CEMIP: variants seen among roughly 807,000 people sequenced by gnomAD.
CEMIP encodes cell migration-inducing and hyaluronan-binding protein.
CEMIP carries 105 observed loss-of-function variants against 156.9 expected under a neutral mutation model. The observed-to-expected ratio is 0.67, with a 90% confidence interval of 0.57 to 0.79. CEMIP has a LOEUF of 0.79. Ranked by LOEUF, CEMIP falls within the 30% of genes least tolerant of loss-of-function variation. The pLI, the probability that CEMIP is intolerant of heterozygous loss-of-function variation, is 0.00. For synonymous variants in CEMIP, 676 were observed against 668.4 expected, an observed-to-expected ratio of 1.01 and a Z score of -0.17; for missense variants, 1,457 against 1,769.4, an observed-to-expected ratio of 0.82 and a Z score of 3.17.
chr15:80,804,049 G>A (rs1037503438), intron 1 of CEMIP, among the ~76,000 whole-genome samples: 1 of 152,220 alleles, frequency 6.6e-6, no homozygotes, highest in Non-Finnish European at 1.5e-5. Context: ...GAGAGCTTGT[G>A]CAGGGGAACT....
chr15:80,911,468 G>A (rs578193454), intron 14 of CEMIP, among the ~76,000 whole-genome samples: 1 of 152,294 alleles, frequency 6.6e-6, no homozygotes, highest in African/African-American at 2.4e-5. Flanking sequence ...CTGGAAGCCT[G>A]TAATTACAGA....
intron 1 of CEMIP, among the ~76,000 whole-genome samples, chr15:80,830,323 C>G (rs1358778748): frequency 6.6e-6 from 1 of 152,216 alleles, no homozygotes; most frequent in East Asian, 1.9e-4. Context: ...AAAGCAGCAG[C>G]CCCTGACTGT....
rs536759413 is a variant in CEMIP, at chr15:80,855,477, G to A, written c.-175-18061G>A. On this transcript the variant is annotated intron_variant, in intron 1 of 29. Coordinates refer to ENST00000394685, the MANE Select transcript of CEMIP (RefSeq NM_001293298.2). ...CACAGCTCGTTCTCACTGCATTTTGGTAGCAAAGTTGTGCCTTCTTTTTTT... is the reference window on the plus strand; with the variant it reads ...CACAGCTCGTTCTCACTGCATTTTGATAGCAAAGTTGTGCCTTCTTTTTTT... Among the ~76,000 whole-genome samples the A allele has an allele frequency of 3.9e-5, 6 of 152,166 alleles. No homozygotes were observed. In the South Asian group the frequency reaches 1.3e-3, roughly 32 times the overall value.
At chr15:80,788,471 C>CAA (rs11320710) in intron 1 of CEMIP, among the ~76,000 whole-genome samples, 10,498 of 79,132 alleles carry the variant, frequency 0.13, 549 homozygotes, top group Middle Eastern at 0.24. Flanking sequence ...AACTCCATCT[C>CAA]AAAAAAAAAA....
intron 1 of CEMIP, among the ~76,000 whole-genome samples, chr15:80,785,746 G>A (rs193283163): frequency 6.6e-6 from 1 of 152,306 alleles, no homozygotes; most frequent in East Asian, 1.9e-4. Context: ...CAGAAGCTCA[G>A]AAAGGCCTAA....
chr15:80,873,841 G>T, intron 2 of CEMIP, 23 bp from the exon 3 acceptor site: 1 of 1,530,206 alleles, frequency 6.5e-7, no homozygotes, highest in South Asian at 1.2e-5. Context: ...CTGCATGTCT[G>T]ACTCTGTGTG....
chr15:80,915,204 C>T (rs1262130840), intron 14 of CEMIP, among the ~76,000 whole-genome samples: 1 of 152,230 alleles, frequency 6.6e-6, no homozygotes, highest in Middle Eastern at 3.2e-3. Context: ...AATTTCTAAT[C>T]TTGTGGCTAA....
chr15:80,805,839 G>T (rs1188364834), intron 1 of CEMIP, among the ~76,000 whole-genome samples: 1 of 152,056 alleles, frequency 6.6e-6, no homozygotes, highest in Non-Finnish European at 1.5e-5. Flanking sequence ...CACTTGTTTT[G>T]GTCTCAGCTT....
At chr15:80,925,817 C>T (rs1197995245) in intron 19 of CEMIP, 62 bp downstream of exon 19, 5 of 1,576,574 alleles carry the variant, frequency 3.2e-6, no homozygotes, top group South Asian at 1.2e-5. Flanking sequence ...CCCCTAGCCC[C>T]CTACAGAGAC....
In CEMIP at chr15:80,906,642, C is replaced by T. The variant is rs746018803; in HGVS notation, c.1412-21C>T. 1.4e-5 allele frequency: 23 copies of T among 1,603,688 alleles called. No homozygotes were observed. The South Asian group carries it at 2.5e-4, about 17-fold the overall frequency. ...GCATGCAGTACCTGCTGTTGTTTAC[C>T]GTCCTCCCTTTCTGCCCTAGGGAAA... On this transcript the variant is annotated intron_variant, in intron 12 of 29. Coordinates refer to ENST00000394685, the MANE Select transcript of CEMIP (RefSeq NM_001293298.2). The surrounding 1 kb of genome is among the most constrained non-coding windows in gnomAD (Gnocchi z 4.3).
At chr15:80,922,760 A>C (rs545882935) in intron 17 of CEMIP, among the ~76,000 whole-genome samples, 1 of 152,324 alleles carries the variant, frequency 6.6e-6, no homozygotes, top group African/African-American at 2.4e-5. Context: ...GGGCATACCA[A>C]GATGACCGGG....
rs151037762 is a variant in CEMIP, at chr15:80,919,180, G to A, written c.1798-914G>A. Reference sequence around the variant, plus strand: ...GCGTTGCAAATGTGGCTTGATGCACGTCTTGGGCTGACAAGCTGGCTTGGA... The same window carrying A: ...GCGTTGCAAATGTGGCTTGATGCACATCTTGGGCTGACAAGCTGGCTTGGA... On this transcript the variant is annotated intron_variant, in intron 14 of 29. Coordinates refer to ENST00000394685, the MANE Select transcript of CEMIP (RefSeq NM_001293298.2). Among the ~76,000 whole-genome samples the A allele has an allele frequency of 3.8e-3, 578 of 152,324 alleles. 3 individuals carry two copies. The highest frequency in any genetic ancestry group is 5.6e-3 in the Admixed American group (85 of 15,312).
chr15:80,801,660 G>A (rs55968887), intron 1 of CEMIP, among the ~76,000 whole-genome samples: 51,775 of 152,064 alleles, frequency 0.34, 10,289 homozygotes, highest in Non-Finnish European at 0.46. Context: ...GAGGAGAGAA[G>A]GATGAGTGGA....
rs1026054844 is a variant in CEMIP, at chr15:80,906,116, A to G, written c.1412-547A>G. Among the ~76,000 whole-genome samples, 2 of 152,266 alleles carry G rather than the reference A, an allele frequency of 1.3e-5. No homozygotes were observed. The highest frequency in any genetic ancestry group is 4.8e-5 in the African/African-American group (2 of 41,472). ...TGTAAAGCAGGGGCTTTAAAGACAG[A>G]GGGGTTCTGTTTTATCTTCCTAAGA... On this transcript the variant is annotated intron_variant, in intron 12 of 29. Transcript: ENST00000394685. The surrounding 1 kb of genome is among the most constrained non-coding windows in gnomAD (Gnocchi z 4.3).
chr15:80,792,243 T>C (rs7179631), intron 1 of CEMIP, among the ~76,000 whole-genome samples: 97,340 of 152,060 alleles, frequency 0.64, 32,052 homozygotes, highest in East Asian at 0.78. Flanking sequence ...AGAGAAATAA[T>C]GAAGTATTCC....
At chr15:80,921,920 C>T in intron 16 of CEMIP, 89 bp from the exon 17 acceptor site, 2 of 1,562,732 alleles carry the variant, frequency 1.3e-6, no homozygotes, top group South Asian at 2.2e-5. Flanking sequence ...CTACTAGACC[C>T]ATCTCCGGCG....
At chr15:80,793,437 T>C (rs987282045) in intron 1 of CEMIP, among the ~76,000 whole-genome samples, 1 of 152,190 alleles carries the variant, frequency 6.6e-6, no homozygotes, top group Non-Finnish European at 1.5e-5. Context: ...AGGGGAGTGG[T>C]TACCATTGAA....
At position 80,896,077 on chromosome 15, in the gene CEMIP, T is replaced by A. The variant is rs1323269494; in HGVS notation, c.1411+17T>A. 1.9e-6 allele frequency: 3 copies of A among 1,611,666 alleles called. No individual in the cohort carries two copies. In the African/African-American group the frequency reaches 4.0e-5, roughly 22 times the overall value. On this transcript the variant is annotated intron_variant, in intron 12 of 29. Coordinates refer to ENST00000394685, the MANE Select transcript of CEMIP (RefSeq NM_001293298.2). ...AAGTGGCAGGTAGGACTTTTACTAATCCCTTCCTAGACTGGATGAATCTGA... is the reference window on the plus strand; with the variant it reads ...AAGTGGCAGGTAGGACTTTTACTAAACCCTTCCTAGACTGGATGAATCTGA...
chr15:80,949,510 G>A lies in CEMIP; in HGVS notation c.*586G>A, dbSNP rs796117057. The A allele has an allele frequency of 2.4e-4, 41 of 173,908 alleles. 1 individual carries two copies. The highest frequency in any genetic ancestry group is 9.7e-4 in the African/African-American group (41 of 42,112). The allele number at this position is 173,908 out of a possible 1,614,324, so 10.8% of individuals were successfully genotyped here. A position where few individuals can be genotyped will look rare whatever the true frequency, so the allele number is the denominator to read the frequency against. On this transcript the variant is annotated 3_prime_UTR_variant, in exon 30 of 30. Coordinates refer to ENST00000394685, the MANE Select transcript of CEMIP (RefSeq NM_001293298.2). ...GTCCACCTTTCAGGAGACTTTGAGT[G>A]GCAGGTTTGGACTTGGACTAGATGA...
Sources: allele counts gnomAD v4.1 joint callset (sites outside exome capture counted in the v4.1 genomes callset), GRCh38; gene constraint gnomAD v4.1.1; non-coding constraint Gnocchi (gnomAD v3.1); transcripts MANE v1.5; gene names NCBI Gene and HGNC (gene_info 2026-07-23, HGNC 2026-07-21).